Variants in NALF1 observed in about 807,000 individuals in gnomAD.
The protein encoded by NALF1 is NALCN channel auxiliary factor 1.
A neutral mutation model predicts 48.4 loss-of-function variants in NALF1; 3 were observed. That is an observed-to-expected ratio of 0.06 (90% CI 0.03 to 0.16). The LOEUF is 0.16. Ranked by LOEUF, NALF1 falls within the 10% of genes least tolerant of loss-of-function variation. The pLI is 1.00. For synonymous variants in NALF1, 262 were observed against 245.7 expected (o/e 1.07, Z -0.62); for missense variants, 526 against 571.5 (o/e 0.92, Z 0.81).
At chr13:107,272,818 G>A (rs1402984233) in intron 1 of NALF1, among the ~76,000 whole-genome samples, 1 of 152,152 alleles carries the variant, frequency 6.6e-6, no homozygotes, top group Non-Finnish European at 1.5e-5. Context: ...TAAATCGTGC[G>A]TTGCCTCAAA....
In NALF1 at chr13:107,659,236, A is replaced by G. The variant is rs1353098923; in HGVS notation, c.915+206446T>C. Among the ~76,000 whole-genome samples, 4 of 152,238 alleles carry G rather than the reference A, an allele frequency of 2.6e-5. No homozygotes were observed. The East Asian group carries it at 7.7e-4, about 29-fold the overall frequency. ...CCCTGGGAAGCCACCCACCAGGGTG[A>G]ATCAGGAACCATTTCTTTGCTCCAT... On this transcript the variant is annotated intron_variant, in intron 1 of 2. Transcript: ENST00000375915.
intron 1 of NALF1, among the ~76,000 whole-genome samples, chr13:107,442,974 T>G (rs977427871): frequency 6.6e-6 from 1 of 152,088 alleles, no homozygotes; most frequent in Non-Finnish European, 1.5e-5. Context: ...AGTCTATAAA[T>G]AACATAAAAT....
intron 1 of NALF1, among the ~76,000 whole-genome samples, chr13:107,604,313 T>C (rs1257689686): frequency 1.3e-5 from 2 of 152,204 alleles, no homozygotes; most frequent in East Asian, 1.9e-4. Flanking sequence ...AATTATTTTG[T>C]CTTTTTTTTA....
chr13:107,558,696 T>A (rs1420116684), intron 1 of NALF1, among the ~76,000 whole-genome samples: 1 of 152,150 alleles, frequency 6.6e-6, no homozygotes, highest in Non-Finnish European at 1.5e-5. Flanking sequence ...GGGTAAAACA[T>A]GATTTCTGGG....
intron 1 of NALF1, among the ~76,000 whole-genome samples, chr13:107,315,900 T>TA (rs1491458781): frequency 1.6e-4 from 24 of 149,966 alleles, no homozygotes; most frequent in African/African-American, 3.9e-4. Flanking sequence ...TATATATATA[T>TA]TTATTTATTT....
At chr13:107,178,137 C>T (rs1878979306) in intron 2 of NALF1, among the ~76,000 whole-genome samples, 1 of 152,110 alleles carries the variant, frequency 6.6e-6, no homozygotes, top group Admixed American at 6.6e-5. Context: ...CAGGATGTTG[C>T]TCTAGGCAAA....
chr13:107,340,714 C>G (rs982890826), intron 1 of NALF1, among the ~76,000 whole-genome samples: 4 of 152,136 alleles, frequency 2.6e-5, no homozygotes, highest in African/African-American at 9.6e-5. Flanking sequence ...CATCCGAAGT[C>G]TTCATTTTGT....
chr13:107,737,971 T>C lies in NALF1; in HGVS notation c.915+127711A>G, dbSNP rs541435286. ...CACATATTTTTTTCAGAGTCATAAA[T>C]ACAAGCATAAAAAAGCAGCAAAGAT... On this transcript the variant is annotated intron_variant, in intron 1 of 2. Transcript: ENST00000375915. Among the ~76,000 whole-genome samples the C allele has an allele frequency of 2.6e-5, 4 of 152,228 alleles. No homozygotes were observed. In the East Asian group the frequency reaches 5.8e-4, roughly 22 times the overall value.
intron 1 of NALF1, among the ~76,000 whole-genome samples, chr13:107,332,152 T>C (rs1882480546): frequency 6.6e-6 from 1 of 152,196 alleles, no homozygotes; most frequent in African/African-American, 2.4e-5. Context: ...TTTGAATGCA[T>C]AGATTTTGTT....
intron 1 of NALF1, among the ~76,000 whole-genome samples, chr13:107,240,453 C>A (rs1880443839): frequency 6.6e-6 from 1 of 152,146 alleles, no homozygotes; most frequent in Non-Finnish European, 1.5e-5. Context: ...ATGACAATAA[C>A]AATGGGACTT....
chr13:107,191,124 C>G (rs1014822575), intron 2 of NALF1, among the ~76,000 whole-genome samples: 1 of 152,154 alleles, frequency 6.6e-6, no homozygotes, highest in Non-Finnish European at 1.5e-5. Context: ...CTTCATCTGA[C>G]GGCTCCTTGG....
At chr13:107,292,772 T>C (rs957996612) in intron 1 of NALF1, among the ~76,000 whole-genome samples, 32 of 152,178 alleles carry the variant, frequency 2.1e-4, no homozygotes, top group Non-Finnish European at 3.1e-4. Context: ...TGAAAAAATA[T>C]AGCAAATATT....
chr13:107,345,950 A>G (rs1882764255), intron 1 of NALF1, among the ~76,000 whole-genome samples: 1 of 152,166 alleles, frequency 6.6e-6, no homozygotes, highest in South Asian at 2.1e-4. Context: ...TAAATTAAGA[A>G]TCTGAATAGA....
At chr13:107,206,900 G>A (rs938437872) in intron 2 of NALF1, among the ~76,000 whole-genome samples, 4 of 152,286 alleles carry the variant, frequency 2.6e-5, no homozygotes, top group East Asian at 1.9e-4. Flanking sequence ...GGAATTCTCC[G>A]TCCTTCTGGA....
At chr13:107,561,855 A>G (rs746977898) in intron 1 of NALF1, among the ~76,000 whole-genome samples, 3 of 152,220 alleles carry the variant, frequency 2.0e-5, no homozygotes, top group Admixed American at 6.5e-5. Flanking sequence ...GGCAGAGACA[A>G]CATATTGCTA....
chr13:107,864,603 G>A (rs955995811), intron 1 of NALF1, among the ~76,000 whole-genome samples: 2 of 152,194 alleles, frequency 1.3e-5, no homozygotes, highest in African/African-American at 4.8e-5. Context: ...CGTTTATTGT[G>A]TTGTGTAAGA....
intron 1 of NALF1, among the ~76,000 whole-genome samples, chr13:107,843,450 C>G (rs1455876483): frequency 2.0e-5 from 3 of 152,160 alleles, no homozygotes; most frequent in Non-Finnish European, 4.4e-5. Context: ...CCTCGAATCT[C>G]CCTTTGTCAA....
intron 1 of NALF1, among the ~76,000 whole-genome samples, chr13:107,638,436 T>C (rs1194790577): frequency 1.3e-5 from 2 of 151,964 alleles, no homozygotes; most frequent in African/African-American, 2.4e-5. Context: ...ATTTATTGCA[T>C]GCTGACTATA....
intron 1 of NALF1, among the ~76,000 whole-genome samples, chr13:107,716,342 G>A (rs1421978621): frequency 2.0e-5 from 3 of 152,304 alleles, no homozygotes; most frequent in Non-Finnish European, 2.9e-5. Context: ...GTCTGAGCAT[G>A]TTTTGTTTCC....
Sources: gnomAD v4.1 joint callset for allele counts (sites outside exome capture counted in the v4.1 genomes callset) on GRCh38, gnomAD v4.1.1 for gene constraint, MANE v1.5 for transcripts, NCBI Gene and HGNC (gene_info 2026-07-23, HGNC 2026-07-21) for gene names.